The following TSTD2 variants were observed in gnomAD, a reference collection of about 807,000 sequenced individuals.
TSTD2 encodes the protein thiosulfate sulfurtransferase/rhodanese-like domain-containing protein 2.
Under a neutral mutation model 47.9 loss-of-function variants are expected in TSTD2, and 37 were observed. That is an observed-to-expected ratio of 0.77 (90% CI 0.59 to 1.02). The LOEUF is 1.02. Among genes scored for constraint, TSTD2 ranks in the 50% least tolerant of loss-of-function variants. The pLI is 0.00. For synonymous variants in TSTD2, 201 were observed against 215.9 expected (o/e 0.93, Z 0.61); for missense variants, 586 against 616.0 (o/e 0.95, Z 0.52).
intron 3 of TSTD2, among the ~76,000 whole-genome samples, chr9:97,618,659 A>G (rs1042751369): frequency 2.0e-5 from 3 of 152,124 alleles, no homozygotes; most frequent in African/African-American, 7.2e-5. Flanking sequence ...GTGCTTCCCA[A>G]ATTTGTCTTT....
chr9:97,619,564 C>CAGGA (rs2131313704), intron 3 of TSTD2, among the ~76,000 whole-genome samples: 1 of 151,794 alleles, frequency 6.6e-6, no homozygotes, highest in Non-Finnish European at 1.5e-5. Flanking sequence ...TGGTCTTGAA[C>CAGGA]TCCTGGCCTA....
Position 97,625,965 on chromosome 9 carries a change from A to T in TSTD2, c.198T>A (p.Val66=). 2 of 1,612,698 alleles carry T rather than the reference A, an allele frequency of 1.2e-6. No homozygotes were observed. Among genetic ancestry groups the T allele is most frequent in the South Asian group, 2.2e-5 (2 of 90,822 alleles). The change falls in exon 3 of 10, where the codon GTT becomes GTA. Residue 66 remains valine (V), a synonymous_variant. Transcript: ENST00000341170. The part of the protein sequence containing the change: ...AFALFVKTKE[V]PTKRSFECKE... ...TACATTCAAAACTCCTTTTTGTTGGAACTTCTTTGGTTTTGACAAAAAGGG... is the reference window on the plus strand; with the variant it reads ...TACATTCAAAACTCCTTTTTGTTGGTACTTCTTTGGTTTTGACAAAAAGGG...
intron 4 of TSTD2, among the ~76,000 whole-genome samples, chr9:97,617,365 T>TG (rs2131312423): frequency 6.6e-6 from 1 of 152,340 alleles, no homozygotes; most frequent in African/African-American, 2.4e-5. Flanking sequence ...AATTAATATA[T>TG]CACAAACATT....
At position 97,601,486 on chromosome 9, in the gene TSTD2, A is replaced by G. The variant is rs980209751; in HGVS notation, c.*983T>C. 7.1e-6 allele frequency: 7 copies of G among 992,686 alleles called. No individual in the cohort carries two copies. The highest frequency in any genetic ancestry group is 7.2e-6 in the Non-Finnish European group (6 of 834,228). 61.5% of individuals were successfully genotyped at this position (992,686 alleles called of 1,614,324 possible). On this transcript the variant is annotated 3_prime_UTR_variant, in exon 10 of 10. Transcript: ENST00000341170. Reference sequence around the variant, plus strand: ...AAGTGCTGGGGAAAGCAGAGCTATCAGAGGAAATCTCTCATAGAAACGAAA... The same window carrying G: ...AAGTGCTGGGGAAAGCAGAGCTATCGGAGGAAATCTCTCATAGAAACGAAA...
At chr9:97,618,777 TG>T (rs1826584280) in intron 3 of TSTD2, among the ~76,000 whole-genome samples, 1 of 152,230 alleles carries the variant, frequency 6.6e-6, no homozygotes, top group Admixed American at 6.5e-5. Flanking sequence ...TATCCAGCTC[TG>T]GAGTCTGAGT....
intron 6 of TSTD2, among the ~76,000 whole-genome samples, chr9:97,606,743 G>A (rs1826371624): frequency 6.6e-6 from 1 of 152,148 alleles, no homozygotes; most frequent in Non-Finnish European, 1.5e-5. Context: ...CCACGTTGAA[G>A]GCTAAGAACC....
chr9:97,607,011 A>T (rs189476606), intron 6 of TSTD2, among the ~76,000 whole-genome samples: 178 of 152,232 alleles, frequency 1.2e-3, no homozygotes, highest in Non-Finnish European at 1.7e-3. Flanking sequence ...AAAAAAATTT[A>T]AAAAATTAGC....
At position 97,601,037 on chromosome 9, in the gene TSTD2, C is replaced by A; in HGVS notation, c.*1432G>T. ...GGTGATGAAAAGGTGAAGGCCTGCG[C>A]ACTGAACTGTAAGGCAGTGGGCAGT... On this transcript the variant is annotated 3_prime_UTR_variant, in exon 10 of 10. Transcript: ENST00000341170. The A allele has an allele frequency of 7.7e-7, 1 of 1,302,850 alleles. No individual in the cohort carries two copies. Among genetic ancestry groups the A allele is most frequent in the Non-Finnish European group, 1.0e-6 (1 of 988,238 alleles). 80.7% of individuals were successfully genotyped at this position (1,302,850 alleles called of 1,614,324 possible).
At chr9:97,631,472 T>C (rs61276200) in intron 1 of TSTD2, among the ~76,000 whole-genome samples, 17,959 of 152,094 alleles carry the variant, frequency 0.12, 3,012 homozygotes, top group African/African-American at 0.37. Context: ...CCACCATCTT[T>C]ACTACCACCC....
At chr9:97,606,299 CAAA>C in intron 6 of TSTD2, 38 bp from the exon 7 acceptor site, 1 of 1,321,844 alleles carries the variant, frequency 7.6e-7, no homozygotes, top group Non-Finnish European at 1.1e-6. Flanking sequence ...AAAACAAAGA[CAAA>C]AAAACCAAAA....
chr9:97,624,752 AG>A (rs1463238882), intron 3 of TSTD2, among the ~76,000 whole-genome samples: 1 of 152,028 alleles, frequency 6.6e-6, no homozygotes, highest in East Asian at 1.9e-4. Context: ...AAAAAAAAAA[AG>A]GTTAAATCAA....
intron 4 of TSTD2, among the ~76,000 whole-genome samples, chr9:97,617,552 C>A (rs1277159141): frequency 6.6e-6 from 1 of 152,220 alleles, no homozygotes; most frequent in African/African-American, 2.4e-5. Context: ...AAAAAGTTTG[C>A]TGACTCCTGG....
intron 1 of TSTD2, among the ~76,000 whole-genome samples, chr9:97,631,775 C>G (rs1399190261): frequency 1.3e-5 from 2 of 151,964 alleles, no homozygotes; most frequent in Non-Finnish European, 2.9e-5. Context: ...ACCTAAAAGG[C>G]AGAGGTTACA....
At chr9:97,604,040 C>CAACT (rs1382467622) in intron 9 of TSTD2, 9 of 152,098 alleles carry the variant, frequency 5.9e-5, no homozygotes, top group African/African-American at 2.2e-4. Context: ...CAAAGGAAAC[C>CAACT]AACTATACAG....
At chr9:97,605,714 C>T in intron 7 of TSTD2, 73 bp from the exon 8 acceptor site, 2 of 1,582,748 alleles carry the variant, frequency 1.3e-6, no homozygotes, top group Non-Finnish European at 1.7e-6. Context: ...TCTTTTTGTA[C>T]CCAACAAACC....
In TSTD2 at chr9:97,610,365, C is replaced by CT; in HGVS notation, c.815dup (p.Ile273AspfsTer14). The CT allele has an allele frequency of 6.2e-7, 1 of 1,604,404 alleles. No individual in the cohort carries two copies. The highest frequency in any genetic ancestry group is 1.7e-5 in the Admixed American group (1 of 58,022). Reference sequence around the variant, plus strand: ...GCATACCAGGCTTCTTGTAGGAGATCTTTTTGGGGCTGATCCCCATGGGCA... The same window carrying CT: ...GCATACCAGGCTTCTTGTAGGAGATCTTTTTTGGGGCTGATCCCCATGGGCA... On this transcript the variant is annotated frameshift_variant, in exon 6 of 10. Transcript: ENST00000341170. LOFTEE classifies it high-confidence loss of function.
chr9:97,608,076 G>A (rs1001219411), intron 6 of TSTD2, among the ~76,000 whole-genome samples: 17 of 151,886 alleles, frequency 1.1e-4, no homozygotes, highest in African/African-American at 3.6e-4. Context: ...CCAGCTACTC[G>A]GGAGGCTGAG....
rs1008365157 is a variant in TSTD2, at chr9:97,602,401, T to C, written c.*68A>G. 9 of 1,483,728 alleles carry C rather than the reference T, an allele frequency of 6.1e-6. No homozygotes were observed. The highest frequency in any genetic ancestry group is 1.4e-5 in the South Asian group (1 of 71,540). 91.9% of individuals were successfully genotyped at this position (1,483,728 alleles called of 1,614,324 possible). A position where few individuals can be genotyped will look rare whatever the true frequency, so the allele number is the denominator to read the frequency against. On this transcript the variant is annotated 3_prime_UTR_variant, in exon 10 of 10. Transcript: ENST00000341170. ...TTTCTCTGTTTCTGCAGTCTTGCCATGCTTTCTCTGTATAGTCACCCCAAA... is the reference window on the plus strand; with the variant it reads ...TTTCTCTGTTTCTGCAGTCTTGCCACGCTTTCTCTGTATAGTCACCCCAAA...
rs117342936 is a variant in TSTD2 at position 97,600,793 on chromosome 9, T to G, written c.*1676A>C. On this transcript the variant is annotated 3_prime_UTR_variant, in exon 10 of 10. Coordinates refer to ENST00000341170, the MANE Select transcript of TSTD2 (RefSeq NM_139246.5). ...AAGATGATTACACTGAAATGTAGTA[T>G]TAGTACTGCTGCCAGATCTCTTTTT... 8.1e-3 allele frequency: 8,705 copies of G among 1,068,964 alleles called. 49 individuals carry two copies. Among genetic ancestry groups the G allele is most frequent in the Non-Finnish European group, 9.0e-3 (7,862 of 877,758 alleles). The allele number at this position is 1,068,964 out of a possible 1,614,324, so 66.2% of individuals were successfully genotyped here.
Sources: allele counts gnomAD v4.1 joint callset (sites outside exome capture counted in the v4.1 genomes callset), GRCh38; gene constraint gnomAD v4.1.1; transcripts MANE v1.5; gene names NCBI Gene and HGNC (gene_info 2026-07-23, HGNC 2026-07-21).